The following HFM1 variants were observed in gnomAD, a reference collection of about 807,000 sequenced individuals.
HFM1 encodes the protein probable ATP-dependent DNA helicase HFM1.
A neutral mutation model predicts 192.1 loss-of-function variants in HFM1; 169 were observed. The ratio of observed to expected loss-of-function variants is 0.88; its 90% CI spans 0.78 to 1.00. HFM1 has a LOEUF of 1.00. HFM1 is among the 50% of genes least tolerant of loss of function. The pLI is 0.00. For missense variants in HFM1, 1,661 were observed against 1,668.0 expected (o/e 1.00, Z 0.07); for synonymous variants, 525 against 537.8 (o/e 0.98, Z 0.33).
At chr1:91,349,232 G>A (rs568472548) in intron 18 of HFM1, among the ~76,000 whole-genome samples, 3 of 151,802 alleles carry the variant, frequency 2.0e-5, no homozygotes, top group South Asian at 2.1e-4. Context: ...AGATTGCAGT[G>A]AGCCAAGATT....
chr1:91,407,460 C>T (rs781039514), upstream of HFM1, among the ~76,000 whole-genome samples: 10 of 152,016 alleles, frequency 6.6e-5, no homozygotes, highest in Non-Finnish European at 1.5e-4. Flanking sequence ...ATGAGTTTAC[C>T]TATCCTAAGT....
intron 6 of HFM1, among the ~76,000 whole-genome samples, chr1:91,381,956 T>C (rs1450159294): frequency 6.6e-6 from 1 of 152,122 alleles, no homozygotes; most frequent in African/African-American, 2.4e-5. Context: ...TGTATGGCTA[T>C]AAGGCTCCAC....
chr1:91,338,734 C>A (rs1488677301), intron 20 of HFM1, among the ~76,000 whole-genome samples: 1 of 152,128 alleles, frequency 6.6e-6, no homozygotes, highest in Non-Finnish European at 1.5e-5. Context: ...CCGGTACATG[C>A]GGATCCCACT....
chr1:91,313,324 A>C (rs1172947015), intron 30 of HFM1, 25 bp downstream of exon 30: 1 of 1,410,928 alleles, frequency 7.1e-7, no homozygotes, highest in East Asian at 2.3e-5. Context: ...TTTAATATAA[A>C]ATAGGAATTA....
At chr1:91,344,662 C>G (rs185807) in intron 19 of HFM1, among the ~76,000 whole-genome samples, 1 of 151,856 alleles carries the variant, frequency 6.6e-6, no homozygotes, top group Non-Finnish European at 1.5e-5. Flanking sequence ...TATAGAATGA[C>G]TGTGTAATTT....
intron 13 of HFM1, among the ~76,000 whole-genome samples, chr1:91,363,049 T>C (rs1341148619): frequency 1.3e-5 from 2 of 152,134 alleles, no homozygotes; most frequent in African/African-American, 2.4e-5. Flanking sequence ...CAGACTTAAA[T>C]GTAAAACCGA....
At chr1:91,324,827 T>C in intron 20 of HFM1, 61 bp from the exon 21 acceptor site, 5 of 896,182 alleles carry the variant, frequency 5.6e-6, no homozygotes, top group Non-Finnish European at 7.4e-6. Context: ...TGTTTTTTTA[T>C]GTTTAACAAA....
intron 6 of HFM1, among the ~76,000 whole-genome samples, chr1:91,382,975 A>G (rs1197650475): frequency 6.6e-6 from 1 of 152,222 alleles, no homozygotes; most frequent in Non-Finnish European, 1.5e-5. Flanking sequence ...CAAATGCAGT[A>G]AAATATTTAA....
chr1:91,405,501 C>A (rs1048422454), upstream of HFM1, among the ~76,000 whole-genome samples: 2 of 152,188 alleles, frequency 1.3e-5, no homozygotes, highest in East Asian at 3.8e-4. Flanking sequence ...GAAACCCCCA[C>A]CTGTGACATC....
intron 30 of HFM1, among the ~76,000 whole-genome samples, chr1:91,277,605 T>TATA (rs1557766173): frequency 7.5e-5 from 5 of 66,562 alleles, no homozygotes; most frequent in African/African-American, 1.8e-4. Flanking sequence ...ATATACTTTA[T>TATA]ATATATACTA....
intron 20 of HFM1, chr1:91,329,589 A>G: frequency 9.2e-7 from 1 of 1,092,032 alleles, no homozygotes; most frequent in East Asian, 2.6e-5. Flanking sequence ...AGCTACAGCT[A>G]GAGAAACCTT....
rs978110705 is a variant in HFM1 at position 91,379,224 on chromosome 1, T to C, written c.1007-10A>G. 6 of 1,583,432 alleles carry C rather than the reference T, an allele frequency of 3.8e-6. No homozygotes were observed. The highest frequency in any genetic ancestry group is 5.1e-6 in the Non-Finnish European group (6 of 1,169,742). ...GCTTTTATTGGTGCCACTGTAACAA[T>C]ATAAAATATTTACTTTGAACATCAG... On this transcript the variant is annotated splice_polypyrimidine_tract_variant and intron_variant, in intron 8 of 38. Transcript: ENST00000370425.
chr1:91,363,821 G>T (rs909934761), intron 13 of HFM1, among the ~76,000 whole-genome samples: 1 of 152,166 alleles, frequency 6.6e-6, no homozygotes, highest in Non-Finnish European at 1.5e-5. Flanking sequence ...TAAAGAAAAT[G>T]TGGCACATAT....
chr1:91,397,977 T>A (rs1330990860), intron 2 of HFM1, among the ~76,000 whole-genome samples: 1 of 152,086 alleles, frequency 6.6e-6, no homozygotes, highest in East Asian at 1.9e-4. Context: ...AATTCCAGAA[T>A]CTCAGAAAAA....
At chr1:91,402,814 T>G (rs940842437) in intron 1 of HFM1, among the ~76,000 whole-genome samples, 1 of 152,116 alleles carries the variant, frequency 6.6e-6, no homozygotes, top group Non-Finnish European at 1.5e-5. Context: ...TCAAAAATCT[T>G]AAGGCTAACA....
In HFM1 at chr1:91,300,656, G is replaced by C. The variant is rs150914183; in HGVS notation, c.3391+12693C>G. On this transcript the variant is annotated intron_variant, in intron 30 of 38. Coordinates refer to ENST00000370425, the MANE Select transcript of HFM1 (RefSeq NM_001017975.6). ...TATGCAAATCAATAAACTTAATCCA[G>C]CATATAAACAGAATCAACAACAAAA... Among the ~76,000 whole-genome samples, 219 of 152,196 alleles carry C rather than the reference G, an allele frequency of 1.4e-3. 3 individuals carry two copies. The East Asian group carries it at 0.023, about 16-fold the overall frequency.
intron 30 of HFM1, 110 bp from the exon 31 acceptor site, chr1:91,277,172 T>C: frequency 1.8e-6 from 1 of 568,032 alleles, no homozygotes; most frequent in Admixed American, 3.6e-5. Flanking sequence ...ACAAAAATAT[T>C]GATTTTTATA....
chr1:91,317,784 A>C (rs2101210144), intron 25 of HFM1, among the ~76,000 whole-genome samples: 1 of 152,272 alleles, frequency 6.6e-6, no homozygotes, highest in African/African-American at 2.4e-5. Flanking sequence ...ATTTATAGCC[A>C]ACATTAAAAT....
At chr1:91,289,114 T>G (rs1668386410) in intron 30 of HFM1, among the ~76,000 whole-genome samples, 1 of 151,058 alleles carries the variant, frequency 6.6e-6, no homozygotes, top group Middle Eastern at 3.4e-3. Flanking sequence ...ATGGGGCGGC[T>G]GCCAGGCGGA....
Sources: gnomAD v4.1 joint callset for allele counts (sites outside exome capture counted in the v4.1 genomes callset) on GRCh38, gnomAD v4.1.1 for gene constraint, MANE v1.5 for transcripts, NCBI Gene and HGNC (gene_info 2026-07-23, HGNC 2026-07-21) for gene names.